Variants in AGAP1 observed in about 807,000 individuals in gnomAD.
The protein encoded by AGAP1 is arf-GAP with GTPase, ANK repeat and PH domain-containing protein 1.
A neutral mutation model predicts 105.3 loss-of-function variants in AGAP1; 29 were observed. That is an observed-to-expected ratio of 0.28 (90% CI 0.21 to 0.38). The LOEUF is 0.38. Ranked by LOEUF, AGAP1 falls within the 10% of genes least tolerant of loss-of-function variation. AGAP1 has a pLI of 1.00. For synonymous variants in AGAP1, 509 were observed against 485.9 expected, an observed-to-expected ratio of 1.05 and a Z score of -0.63; for missense variants, 998 against 1,165.1, an observed-to-expected ratio of 0.86 and a Z score of 2.09.
intron 1 of AGAP1, among the ~76,000 whole-genome samples, chr2:235,564,824 G>A (rs1416431293): frequency 6.1e-5 from 9 of 147,670 alleles, no homozygotes; most frequent in African/African-American, 2.3e-4. Context: ...CCAGGTGTGA[G>A]CCTGGACCAG....
chr2:235,703,503 C>T (rs1028512114), intron 1 of AGAP1, among the ~76,000 whole-genome samples: 10 of 152,056 alleles, frequency 6.6e-5, no homozygotes, highest in African/African-American at 2.2e-4. Flanking sequence ...GCAGCATCTC[C>T]TTGGAACCTT....
chr2:236,036,534 C>G lies in AGAP1; in HGVS notation c.1646-27C>G, dbSNP rs754410571. 6.2e-7 allele frequency: 1 copy of G among 1,611,452 alleles called. No homozygotes were observed. Among genetic ancestry groups the G allele is most frequent in the South Asian group, 1.1e-5 (1 of 90,648 alleles). Reference sequence around the variant, plus strand: ...GGACTGCTGTCTCATAAAAGCTAAACTCTTCATCCCACACTCTGTGTTTCA... The same window carrying G: ...GGACTGCTGTCTCATAAAAGCTAAAGTCTTCATCCCACACTCTGTGTTTCA... On this transcript the variant is annotated intron_variant, in intron 13 of 17. Transcript: ENST00000304032. This position sits in a 1 kb window ranked among gnomAD's most constrained non-coding sequence, Gnocchi z 5.7.
intron 9 of AGAP1, among the ~76,000 whole-genome samples, chr2:235,819,296 A>G (rs1160342658): frequency 1.3e-5 from 2 of 151,484 alleles, no homozygotes; most frequent in African/African-American, 4.9e-5. Context: ...TGTATTTTTA[A>G]TAGAGATAGG....
At chr2:235,565,767 T>C (rs1944327540) in intron 1 of AGAP1, among the ~76,000 whole-genome samples, 1 of 151,950 alleles carries the variant, frequency 6.6e-6, no homozygotes, top group South Asian at 2.1e-4. Context: ...CTCAAACCAC[T>C]CTCCCACCTC....
intron 5 of AGAP1, among the ~76,000 whole-genome samples, chr2:235,745,751 T>G (rs1279535558): frequency 6.6e-6 from 1 of 152,230 alleles, no homozygotes; most frequent in Non-Finnish European, 1.5e-5. Context: ...AGGTGTGGTC[T>G]AAGTAGGAGG....
rs1309034066 is a variant in AGAP1, at chr2:236,073,125, A to G, written c.2114+23844A>G. 6.6e-6 allele frequency among the ~76,000 whole-genome samples: 1 copy of G among 151,808 alleles called. No individual in the cohort carries two copies. The highest frequency in any genetic ancestry group is 2.4e-5 in the African/African-American group (1 of 41,296). On this transcript the variant is annotated intron_variant, in intron 16 of 17. Transcript: ENST00000304032. The surrounding 1 kb of genome is among the most constrained non-coding windows in gnomAD (Gnocchi z 5.4). ...ATTCTCCTGCCTTGGTCCCCCGAGT[A>G]GCTGGGATTACAGGCGCACGCCACC... is the stretch of plus-strand genomic sequence containing the variant.
chr2:236,109,394 A>G lies in AGAP1; in HGVS notation c.2115-10798A>G. On this transcript the variant is annotated intron_variant, in intron 16 of 17. Transcript: ENST00000304032. The surrounding 1 kb of genome is among the most constrained non-coding windows in gnomAD (Gnocchi z 5.4). ...TTCTCTTCATTCTAAAATTCCATGA[A>G]TTATTATTCATCTTTGTAATTATTA... Among the ~76,000 whole-genome samples, 1 of 149,704 alleles carries G rather than the reference A, an allele frequency of 6.7e-6. No homozygotes were observed. Among genetic ancestry groups the G allele is most frequent in the Non-Finnish European group, 1.5e-5 (1 of 66,766 alleles).
At chr2:235,651,683 AAAT>A (rs1430386401) in intron 1 of AGAP1, among the ~76,000 whole-genome samples, 1 of 152,198 alleles carries the variant, frequency 6.6e-6, no homozygotes, top group African/African-American at 2.4e-5. Context: ...GAGCCCCCCG[AAAT>A]AATGATGGTG....
chr2:235,959,720 G>T lies in AGAP1; in HGVS notation c.1484-8742G>T, dbSNP rs1039032427. On this transcript the variant is annotated intron_variant, in intron 12 of 17. Transcript: ENST00000304032. This position sits in a 1 kb window ranked among gnomAD's most constrained non-coding sequence, Gnocchi z 7.3. Reference sequence around the variant, plus strand: ...TGATGGCCACTCCCTCGTGTAGCCGGTTCCCCTGCTGCTGCAGCCGGGCCC... The same window carrying T: ...TGATGGCCACTCCCTCGTGTAGCCGTTTCCCCTGCTGCTGCAGCCGGGCCC... 6.6e-6 allele frequency among the ~76,000 whole-genome samples: 1 copy of T among 152,108 alleles called. No homozygotes were observed. The highest frequency in any genetic ancestry group is 2.4e-5 in the African/African-American group (1 of 41,412).
At chr2:235,837,352 G>A (rs1188164755) in intron 9 of AGAP1, among the ~76,000 whole-genome samples, 1 of 152,146 alleles carries the variant, frequency 6.6e-6, no homozygotes, top group Non-Finnish European at 1.5e-5. Context: ...AAGTAATACT[G>A]AGTACTTTCC....
In AGAP1 at chr2:235,933,562, C is replaced by G. The variant is rs540066293; in HGVS notation, c.1483+2639C>G. 5.7e-3 allele frequency among the ~76,000 whole-genome samples: 791 copies of G among 139,024 alleles called. 10 individuals are homozygous for G. Among genetic ancestry groups the G allele is most frequent in the South Asian group, 0.049 (214 of 4,354 alleles). 91.2% of individuals were successfully genotyped at this position (139,024 alleles called of 152,430 possible). A position where few individuals can be genotyped will look rare whatever the true frequency, so the allele number is the denominator to read the frequency against. On this transcript the variant is annotated intron_variant, in intron 12 of 17. Coordinates refer to ENST00000304032, the MANE Select transcript of AGAP1 (RefSeq NM_001037131.3). ...TTTTTTTTTTTTTTTGAGATGGAGT[C>G]TTGCTCTATTGGCAGGCTGGAGTGC...
At chr2:236,028,122 T>C (rs2057113030) in intron 13 of AGAP1, among the ~76,000 whole-genome samples, 1 of 152,168 alleles carries the variant, frequency 6.6e-6, no homozygotes. Flanking sequence ...GTCAGCAGGG[T>C]CTGTCATGGG....
At position 235,979,141 on chromosome 2, in the gene AGAP1, GTT is replaced by G. The variant is rs56777893; in HGVS notation, c.1645+10530_1645+10531del. ...GTGGGGTTTTTTTGTTGTTGTTTTT[GTT>G]TTTTTTTTTTTGGGATATGATCTCA... On this transcript the variant is annotated intron_variant, in intron 13 of 17. Coordinates refer to ENST00000304032, the MANE Select transcript of AGAP1 (RefSeq NM_001037131.3). This position sits in a 1 kb window ranked among gnomAD's most constrained non-coding sequence, Gnocchi z 4.5. 2.4e-3 allele frequency among the ~76,000 whole-genome samples: 328 copies of G among 134,262 alleles called. 2 individuals are homozygous for G. Among genetic ancestry groups the G allele is most frequent in the African/African-American group, 8.3e-3 (300 of 36,158 alleles). 88.1% of individuals were successfully genotyped at this position (134,262 alleles called of 152,430 possible).
chr2:235,742,972 G>A (rs550918939), intron 4 of AGAP1, among the ~76,000 whole-genome samples: 1 of 152,280 alleles, frequency 6.6e-6, no homozygotes, highest in Non-Finnish European at 1.5e-5. Context: ...TTCAAGACCA[G>A]CCTGGCCAAC....
intron 6 of AGAP1, among the ~76,000 whole-genome samples, chr2:235,795,210 G>A (rs1957189123): frequency 6.6e-6 from 1 of 152,180 alleles, no homozygotes; most frequent in Admixed American, 6.5e-5. Flanking sequence ...TGTGGGGAAG[G>A]ACTGCGGATG....
chr2:235,951,103 G>C lies in AGAP1; in HGVS notation c.1484-17359G>C, dbSNP rs1422880763. ...CTAGTTTTTAAATATCATTAATTCT[G>C]GAGGTTGCACTCTGAATGATTTCTT... On this transcript the variant is annotated intron_variant, in intron 12 of 17. Coordinates refer to ENST00000304032, the MANE Select transcript of AGAP1 (RefSeq NM_001037131.3). This position sits in a 1 kb window ranked among gnomAD's most constrained non-coding sequence, Gnocchi z 4.2. 6.6e-6 allele frequency among the ~76,000 whole-genome samples: 1 copy of C among 152,064 alleles called. No individual in the cohort carries two copies. Among genetic ancestry groups the C allele is most frequent in the Admixed American group, 6.5e-5 (1 of 15,270 alleles).
rs1987066 is a variant in AGAP1, at chr2:236,083,110, A to T, written c.2114+33829A>T. Among the ~76,000 whole-genome samples the T allele has an allele frequency of 2.0e-5, 3 of 152,004 alleles. No individual in the cohort carries two copies. The highest frequency in any genetic ancestry group is 7.2e-5 in the African/African-American group (3 of 41,400). On this transcript the variant is annotated intron_variant, in intron 16 of 17. Transcript: ENST00000304032. This position sits in a 1 kb window ranked among gnomAD's most constrained non-coding sequence, Gnocchi z 5.3. The stretch of plus-strand genomic sequence containing the variant: ...GCATAGGTTGCAGTGAGCCGAGATC[A>T]CGCCATTGCACTCCAGCCTAGGCAA...
In AGAP1 at chr2:235,615,945, C is replaced by T. The variant is rs547008800; in HGVS notation, c.164-93234C>T. Reference sequence around the variant, plus strand: ...CTATATGTAAAGAGTTCTTATAAAACAATAAGAAAAATATTTCCTAACTAA... The same window carrying T: ...CTATATGTAAAGAGTTCTTATAAAATAATAAGAAAAATATTTCCTAACTAA... On this transcript the variant is annotated intron_variant, in intron 1 of 17. Transcript: ENST00000304032. This position sits in a 1 kb window ranked among gnomAD's most constrained non-coding sequence, Gnocchi z 5.0. Among the ~76,000 whole-genome samples, 2 of 152,002 alleles carry T rather than the reference C, an allele frequency of 1.3e-5. No individual in the cohort carries two copies. The highest frequency in any genetic ancestry group is 4.2e-4 in the South Asian group (2 of 4,814).
chr2:235,996,381 T>C (rs971991915), intron 13 of AGAP1, among the ~76,000 whole-genome samples: 4 of 152,230 alleles, frequency 2.6e-5, no homozygotes, highest in Admixed American at 2.6e-4. Flanking sequence ...TTCTAATTTT[T>C]TTAACTTACG....
Sources: allele counts gnomAD v4.1 joint callset (sites outside exome capture counted in the v4.1 genomes callset), GRCh38; gene constraint gnomAD v4.1.1; non-coding constraint Gnocchi (gnomAD v3.1); transcripts MANE v1.5; gene names NCBI Gene and HGNC (gene_info 2026-07-23, HGNC 2026-07-21).